Variants in REXO5 observed in about 807,000 individuals in gnomAD.
REXO5 encodes RNA exonuclease 5.
In REXO5, 48 loss-of-function variants were observed where a neutral mutation model predicts 88.5. That is an observed-to-expected ratio of 0.54 (90% CI 0.43 to 0.69). REXO5 has a LOEUF of 0.69. Ranked by LOEUF, REXO5 falls within the 30% of genes least tolerant of loss-of-function variation. The probability of loss-of-function intolerance (pLI) is 0.00; values close to 1 mark genes in which losing one functional copy is unlikely to be tolerated. For missense variants in REXO5, 749 were observed against 912.2 expected (o/e 0.82, Z 2.30); for synonymous variants, 311 against 336.5 (o/e 0.92, Z 0.83).
At position 20,807,096 on chromosome 16, in the gene REXO5, GC is replaced by G; in HGVS notation, c.138+6del. 2 of 1,600,262 alleles carry G rather than the reference GC, an allele frequency of 1.2e-6. No homozygotes were observed. The highest frequency in any genetic ancestry group is 1.7e-6 in the Non-Finnish European group (2 of 1,174,470). ...GAGAGTCAGCCCGAGGCCAAGGTGA[GC>G]AACGGGGATCCCGAGCAGGCGGCCC... On this transcript the variant is annotated splice_donor_region_variant and intron_variant, in intron 2 of 19. Transcript: ENST00000261377.
intron 6 of REXO5, among the ~76,000 whole-genome samples, chr16:20,822,407 T>C (rs1340738291): frequency 2.0e-5 from 3 of 152,246 alleles, no homozygotes; most frequent in Non-Finnish European, 4.4e-5. Flanking sequence ...ATAGCAATGA[T>C]AATTAAATTT....
Position 20,846,685 on chromosome 16 carries a change from T to C in REXO5, c.2243+346T>C, listed in dbSNP as rs143140390. On this transcript the variant is annotated intron_variant, in intron 19 of 19. Transcript: ENST00000261377. ...TAGGCTTAGGTGTAACCACTCTACA[T>C]GTGAGGAATGTGTTCCTGCCTTCTG... Among the ~76,000 whole-genome samples, 204 of 152,320 alleles carry C rather than the reference T, an allele frequency of 1.3e-3. 1 individual carries two copies. The highest frequency in any genetic ancestry group is 4.7e-3 in the African/African-American group (196 of 41,584).
chr16:20,825,571 A>T (rs1946793348), intron 7 of REXO5: 1 of 397,022 alleles, frequency 2.5e-6, no homozygotes, highest in Non-Finnish European at 4.5e-6. Flanking sequence ...TACACACTCC[A>T]TAAATGGTAG....
At chr16:20,815,222 G>A (rs559717877) in intron 4 of REXO5, among the ~76,000 whole-genome samples, 169 bp downstream of exon 4, 1 of 152,192 alleles carries the variant, frequency 6.6e-6, no homozygotes, top group Non-Finnish European at 1.5e-5. Context: ...GATTTTCTTT[G>A]GAAATCTAGG....
intron 8 of REXO5, 79 bp from the exon 9 acceptor site, chr16:20,826,979 T>C: frequency 7.0e-7 from 1 of 1,437,792 alleles, no homozygotes; most frequent in Non-Finnish European, 9.5e-7. Flanking sequence ...TTTTAAAAAA[T>C]GTTATTTTTA....
At chr16:20,834,103 T>C (rs2081388032) in intron 13 of REXO5, among the ~76,000 whole-genome samples, 1 of 152,036 alleles carries the variant, frequency 6.6e-6, no homozygotes, top group Non-Finnish European at 1.5e-5. Context: ...CTTAGCAGAG[T>C]TGCTTATTTT....
Position 20,826,972 on chromosome 16 carries a change from T to TA in REXO5, c.822-80dup, listed in dbSNP as rs1275665901. The TA allele has an allele frequency of 4.3e-6, 6 of 1,398,864 alleles. No individual in the cohort carries two copies. In the African/African-American group the frequency reaches 4.4e-5, roughly 10 times the overall value. The allele number at this position is 1,398,864 out of a possible 1,614,324, so 86.7% of individuals were successfully genotyped here. A position where few individuals can be genotyped will look rare whatever the true frequency, so the allele number is the denominator to read the frequency against. ...AGCATATATATATTAACAGTAATTT[T>TA]AAAAAATGTTATTTTTAAAATCACT... On this transcript the variant is annotated intron_variant, in intron 8 of 19. Transcript: ENST00000261377.
At position 20,849,455 on chromosome 16, in the gene REXO5, G is replaced by T; in HGVS notation, c.2300G>T (p.Ser767Ile). ...GLMGIKEEEE[S>I]AGPGLCS ...ATGGGAATAAAAGAGGAAGAAGAAA[G>T]CGCTGGCCCAGGCCTGTGTTCGTGA... is the stretch of plus-strand genomic sequence containing the variant. Residue 767 changes from serine (S) to isoleucine (I), a missense_variant, in exon 20 of 20, where the codon AGC becomes ATC. By Grantham distance (142) the Ser-to-Ile change is moderately radical (BLOSUM62 -2). Coordinates refer to ENST00000261377, the MANE Select transcript of REXO5 (RefSeq NM_030941.3). 6.2e-7 allele frequency: 1 copy of T among 1,614,092 alleles called. No homozygotes were observed. Among genetic ancestry groups the T allele is most frequent in the Admixed American group, 1.7e-5 (1 of 60,020 alleles).
chr16:20,843,429 A>G (rs1450083630), intron 15 of REXO5, among the ~76,000 whole-genome samples: 1 of 152,208 alleles, frequency 6.6e-6, no homozygotes, highest in Non-Finnish European at 1.5e-5. Context: ...TTGATGTCAT[A>G]TTCAAGAAAC....
At chr16:20,829,750 C>T (rs576029240) in intron 11 of REXO5, among the ~76,000 whole-genome samples, 4 of 152,158 alleles carry the variant, frequency 2.6e-5, no homozygotes, top group South Asian at 4.1e-4. Flanking sequence ...ATGAGCCTTT[C>T]GAGGTTACCA....
At chr16:20,807,582 T>C (rs1596559033) in intron 2 of REXO5, among the ~76,000 whole-genome samples, 1 of 85,014 alleles carries the variant, frequency 1.2e-5, no homozygotes. Flanking sequence ...AAATCACGTC[T>C]CAGAAAAAAA....
chr16:20,830,722 A>C (rs1340569750), intron 11 of REXO5, among the ~76,000 whole-genome samples: 1 of 152,056 alleles, frequency 6.6e-6, no homozygotes, highest in Non-Finnish European at 1.5e-5. Flanking sequence ...TAATGCAGAG[A>C]GTTTGCCAAG....
chr16:20,816,312 A>G, intron 5 of REXO5, 100 bp downstream of exon 5: 3 of 994,154 alleles, frequency 3.0e-6, no homozygotes, highest in Non-Finnish European at 4.4e-6. Flanking sequence ...TAACTAGCTT[A>G]AGCACAAAAA....
intron 11 of REXO5, 41 bp downstream of exon 11, chr16:20,828,578 C>A: frequency 7.5e-7 from 1 of 1,326,098 alleles, no homozygotes; most frequent in Non-Finnish European, 1.1e-6. Flanking sequence ...TTCTTAAAAT[C>A]ATGGGACTAG....
At position 20,846,271 on chromosome 16, in the gene REXO5, G is replaced by A. The variant is rs1237965153; in HGVS notation, c.2175G>A (p.Lys725=). 1 of 1,614,102 alleles carries A rather than the reference G, an allele frequency of 6.2e-7. No individual in the cohort carries two copies. ...TAGCAGCCTGGCGCTGGAGCCGGAAGATTGGAAAGCTCTACAACAGCTTGT... is the reference window on the plus strand; with the variant it reads ...TAGCAGCCTGGCGCTGGAGCCGGAAAATTGGAAAGCTCTACAACAGCTTGT... ...PKIAAWRWSR[K]IGKLYNSLCP... is the part of the protein sequence containing the mutation. The change falls in exon 19 of 20, where the codon AAG becomes AAA. Residue 725 remains lysine, a synonymous_variant. Transcript: ENST00000261377.
At chr16:20,848,120 T>A (rs555293705) in intron 19 of REXO5, among the ~76,000 whole-genome samples, 2 of 152,278 alleles carry the variant, frequency 1.3e-5, no homozygotes, top group East Asian at 3.9e-4. Context: ...GACATATTGA[T>A]CAAACTCAGC....
rs373161322 is a variant in REXO5, at chr16:20,839,790, T to A, written c.1419T>A (p.Phe473Leu). 8.1e-6 allele frequency: 13 copies of A among 1,613,868 alleles called. No individual in the cohort carries two copies. The highest frequency in any genetic ancestry group is 1.0e-5 in the Non-Finnish European group (12 of 1,179,900). Residue 473 changes from phenylalanine (F) to leucine (L), a missense_variant, in exon 14 of 20, where the codon TTT (phenylalanine) becomes TTA (leucine). Coordinates refer to ENST00000261377, the MANE Select transcript of REXO5 (RefSeq NM_030941.3). ...LEQARVEIPL[F>L]PFSIVQFSFK... ...AGGCCAGAGTGGAAATCCCCCTGTT[T>A]CCCTTCAGCATTGTTCAGTTCTCTT...
intron 19 of REXO5, among the ~76,000 whole-genome samples, chr16:20,848,094 C>G (rs1057416558): frequency 6.6e-6 from 1 of 152,174 alleles, no homozygotes; most frequent in African/African-American, 2.4e-5. Flanking sequence ...TTAAAAGTCA[C>G]ATTCTGATTT....
intron 13 of REXO5, among the ~76,000 whole-genome samples, chr16:20,834,614 C>G (rs1175869892): frequency 1.3e-5 from 2 of 152,188 alleles, no homozygotes; most frequent in Non-Finnish European, 1.5e-5. Flanking sequence ...TTAAAGTTGT[C>G]CCATAGCTCA....
Sources: gnomAD v4.1 joint callset for allele counts (sites outside exome capture counted in the v4.1 genomes callset) on GRCh38, gnomAD v4.1.1 for gene constraint, MANE v1.5 for transcripts, NCBI Gene and HGNC (gene_info 2026-07-23, HGNC 2026-07-21) for gene names.